The following PDE3A variants were observed in gnomAD, a reference collection of about 807,000 sequenced individuals.
The protein encoded by PDE3A is phosphodiesterase 3A.
In PDE3A, 43 loss-of-function variants were observed where a neutral mutation model predicts 98.3. The observed-to-expected ratio is 0.44, with a 90% CI of 0.34 to 0.56. The LOEUF (loss-of-function observed/expected upper bound fraction) is 0.56, where lower values mean the gene tolerates loss of function less well. Ranked by LOEUF, PDE3A falls within the 20% of genes least tolerant of loss-of-function variation. PDE3A has a pLI of 0.01. For missense variants in PDE3A, 1,427 were observed against 1,440.7 expected (o/e 0.99, Z 0.15); for synonymous variants, 663 against 567.9 (o/e 1.17, Z -2.38).
chr12:20,675,992 ATC>A (rs1436600183), intron 15 of PDE3A, among the ~76,000 whole-genome samples: 28 of 152,154 alleles, frequency 1.8e-4, no homozygotes, highest in Non-Finnish European at 4.0e-4. Flanking sequence ...GATTATCGAT[ATC>A]TGAGTCTTCA....
intron 1 of PDE3A, among the ~76,000 whole-genome samples, chr12:20,469,699 C>T (rs1945403608): frequency 6.6e-6 from 1 of 152,144 alleles, no homozygotes; most frequent in Non-Finnish European, 1.5e-5. Context: ...ACATTGCATA[C>T]TGTCTAGAGT....
chr12:20,439,563 G>A (rs933588147), intron 1 of PDE3A, among the ~76,000 whole-genome samples: 1 of 152,100 alleles, frequency 6.6e-6, no homozygotes, highest in Non-Finnish European at 1.5e-5. Context: ...ACTGGTTATT[G>A]CTGACTGCTT....
At chr12:20,635,305 G>A (rs1285413689) in intron 8 of PDE3A, among the ~76,000 whole-genome samples, 3 of 152,038 alleles carry the variant, frequency 2.0e-5, no homozygotes, top group East Asian at 1.9e-4. Context: ...AGTGGCTCAC[G>A]CCTGTAATCC....
At chr12:20,614,443 C>T (rs1422045576) in intron 3 of PDE3A, among the ~76,000 whole-genome samples, 1 of 152,044 alleles carries the variant, frequency 6.6e-6, no homozygotes, top group African/African-American at 2.4e-5. Context: ...ATCAGCTATC[C>T]CTTTGAGCTG....
rs765267969 is a variant in PDE3A at position 20,613,658 on chromosome 12, C to A, written c.1227C>A (p.Asp409Glu). Reference protein sequence around the residue: ...TSLSENYTCSDSEESSEKDKL... With the variant: ...TSLSENYTCSESEESSEKDKL... ...TCAGTGAAAACTATACCTGTTCTGACTCTGAAGAGAGCTCTGAAAAAGACA... is the reference window on the plus strand; with the variant it reads ...TCAGTGAAAACTATACCTGTTCTGAATCTGAAGAGAGCTCTGAAAAAGACA... The change falls in exon 3 of 16, where the codon GAC becomes GAA. Residue 409 changes from aspartate (D) to glutamate (E), a missense_variant. Transcript: ENST00000359062. 1 of 1,613,566 alleles carries A rather than the reference C, an allele frequency of 6.2e-7. No individual in the cohort carries two copies. The highest frequency in any genetic ancestry group is 8.5e-7 in the Non-Finnish European group (1 of 1,179,610).
chr12:20,541,054 G>C (rs2121218887), intron 1 of PDE3A, among the ~76,000 whole-genome samples: 1 of 131,094 alleles, frequency 7.6e-6, no homozygotes, highest in Non-Finnish European at 1.6e-5. Flanking sequence ...GACTCAAATT[G>C]ACAAGGACAT....
At chr12:20,631,698 G>GT (rs146405398) in intron 6 of PDE3A, among the ~76,000 whole-genome samples, 30 of 44,370 alleles carry the variant, frequency 6.8e-4, no homozygotes, top group Admixed American at 2.0e-3. Context: ...TCATCATAGT[G>GT]TATTTTTTTT....
rs181361999 is a variant in PDE3A, at chr12:20,450,256, G to T, written c.960+80012G>T. Among the ~76,000 whole-genome samples, 12 of 152,248 alleles carry T rather than the reference G, an allele frequency of 7.9e-5. No individual in the cohort carries two copies. The East Asian group carries it at 2.3e-3, about 29-fold the overall frequency. ...TTGTCTAGTTTCTCAAAATTGTGAG[G>T]TTTATGCTAAACACTGGGGACACAG... On this transcript the variant is annotated intron_variant, in intron 1 of 15. Coordinates refer to ENST00000359062, the MANE Select transcript of PDE3A (RefSeq NM_000921.5).
chr12:20,504,704 G>A (rs1405920013), intron 1 of PDE3A, among the ~76,000 whole-genome samples: 1 of 151,892 alleles, frequency 6.6e-6, no homozygotes, highest in Non-Finnish European at 1.5e-5. Flanking sequence ...TTTCAAAGCT[G>A]GCAAAGGTGA....
intron 15 of PDE3A, among the ~76,000 whole-genome samples, chr12:20,669,037 A>G (rs2120402592): frequency 6.6e-6 from 1 of 151,646 alleles, no homozygotes; most frequent in Non-Finnish European, 1.5e-5. Context: ...AAGGCTCGAG[A>G]ACTACGTGAA....
At chr12:20,526,024 A>G (rs2121168287) in intron 1 of PDE3A, among the ~76,000 whole-genome samples, 1 of 152,308 alleles carries the variant, frequency 6.6e-6, no homozygotes, top group South Asian at 2.1e-4. Context: ...CAAAGTTGGT[A>G]AGGCTTTGGA....
intron 1 of PDE3A, among the ~76,000 whole-genome samples, chr12:20,395,643 A>C (rs986942343): frequency 1.4e-5 from 2 of 147,412 alleles, no homozygotes; most frequent in African/African-American, 2.5e-5. Context: ...CTATATATAC[A>C]CATAGTATTA....
intron 10 of PDE3A, among the ~76,000 whole-genome samples, chr12:20,644,817 TCCTCCTCCTCCTTCC>T (rs1944734293): frequency 6.7e-6 from 1 of 149,932 alleles, no homozygotes; most frequent in Admixed American, 6.6e-5. Context: ...TTGAGCCTCC[TCCTCCTCCTCCTTCC>T]CCTCCTCCTC....
At chr12:20,444,870 A>C (rs1401841360) in intron 1 of PDE3A, among the ~76,000 whole-genome samples, 1 of 152,208 alleles carries the variant, frequency 6.6e-6, no homozygotes, top group Non-Finnish European at 1.5e-5. Flanking sequence ...TAGAAACAGG[A>C]AGTGTTTGCT....
At position 20,438,942 on chromosome 12, in the gene PDE3A, C is replaced by T. The variant is rs567667235; in HGVS notation, c.960+68698C>T. ...GAGTAGCTGGGACTATAGGCACGTA[C>T]CACCACGCCTGGCTAATTTTTTTTG... On this transcript the variant is annotated intron_variant, in intron 1 of 15. Coordinates refer to ENST00000359062, the MANE Select transcript of PDE3A (RefSeq NM_000921.5). 2.6e-5 allele frequency among the ~76,000 whole-genome samples: 4 copies of T among 152,078 alleles called. No homozygotes were observed. The East Asian group carries it at 7.8e-4, about 30-fold the overall frequency.
intron 1 of PDE3A, among the ~76,000 whole-genome samples, chr12:20,437,972 AT>A (rs5796858): frequency 3.6e-4 from 54 of 150,336 alleles, no homozygotes; most frequent in African/African-American, 9.3e-4. Context: ...AAGAAAAAGG[AT>A]TTTTTTTTTC....
At chr12:20,396,692 A>C (rs1944024671) in intron 1 of PDE3A, among the ~76,000 whole-genome samples, 1 of 152,100 alleles carries the variant, frequency 6.6e-6, no homozygotes, top group African/African-American at 2.4e-5. Flanking sequence ...ATTTCTATAA[A>C]TTTAGATTTA....
chr12:20,581,646 T>C (rs1943069486), intron 2 of PDE3A, among the ~76,000 whole-genome samples: 1 of 148,158 alleles, frequency 6.7e-6, no homozygotes, highest in African/African-American at 2.5e-5. Context: ...GGAGTCTCGC[T>C]CTGTCGCCCA....
intron 6 of PDE3A, among the ~76,000 whole-genome samples, chr12:20,631,699 TA>T (rs55717503): frequency 0.45 from 42,488 of 95,210 alleles, 7,065 homozygotes; most frequent in South Asian, 0.63. Context: ...CATCATAGTG[TA>T]TTTTTTTTTT....
Sources: gnomAD v4.1 joint callset for allele counts (sites outside exome capture counted in the v4.1 genomes callset) on GRCh38, gnomAD v4.1.1 for gene constraint, MANE v1.5 for transcripts, NCBI Gene and HGNC (gene_info 2026-07-23, HGNC 2026-07-21) for gene names.